The following CARD14 variants were observed in gnomAD, a reference collection of about 807,000 sequenced individuals.
CARD14 encodes caspase recruitment domain-containing protein 14.
In CARD14, 107 loss-of-function variants were observed where a neutral mutation model predicts 111.5. The ratio of observed to expected loss-of-function variants is 0.96; its 90% CI spans 0.82 to 1.13. The LOEUF is 1.13. Among genes scored for constraint, CARD14 ranks in the 50% most tolerant of loss-of-function variants. The pLI is 0.00. For missense variants in CARD14, 1,322 were observed against 1,362.3 expected (o/e 0.97, Z 0.47); for synonymous variants, 617 against 579.6 (o/e 1.06, Z -0.93).
chr17:80,204,640 T>A lies in CARD14; in HGVS notation c.2398+299T>A, dbSNP rs112508655. 1.3e-3 allele frequency: 472 copies of A among 352,316 alleles called. 4 individuals carry two copies. The highest frequency in any genetic ancestry group is 8.6e-3 in the African/African-American group (419 of 48,524). The allele number at this position is 352,316 out of a possible 1,614,324, so 21.8% of individuals were successfully genotyped here. A position where few individuals can be genotyped will look rare whatever the true frequency, so the allele number is the denominator to read the frequency against. On this transcript the variant is annotated intron_variant, in intron 20 of 23. Coordinates refer to ENST00000648509, the MANE Select transcript of CARD14 (RefSeq NM_001366385.1). ...ACTCTGTCTCAGGAAAAAAAAAAAA[T>A]TTCAGGAGAGGAGTACAGGACAGAG...
At chr17:80,175,583 G>T (rs1374504143) in intron 2 of CARD14, among the ~76,000 whole-genome samples, 1 of 152,126 alleles carries the variant, frequency 6.6e-6, no homozygotes, top group East Asian at 1.9e-4. Context: ...GGTGAACAGG[G>T]ATTCTGGAAT....
chr17:80,194,536 C>T (rs1246376711), intron 12 of CARD14, among the ~76,000 whole-genome samples: 3 of 152,186 alleles, frequency 2.0e-5, no homozygotes, highest in Admixed American at 6.6e-5. Context: ...TGCATTAGTT[C>T]GTTCTCATGC....
Position 80,198,987 on chromosome 17 carries a change from C to T in CARD14, c.1851+396C>T. The T allele has an allele frequency of 2.1e-6, 2 of 964,432 alleles. No individual in the cohort carries two copies. The highest frequency in any genetic ancestry group is 4.8e-4 in the Middle Eastern group (1 of 2,076). 59.7% of individuals were successfully genotyped at this position (964,432 alleles called of 1,614,324 possible). A position where few individuals can be genotyped will look rare whatever the true frequency, so the allele number is the denominator to read the frequency against. On this transcript the variant is annotated intron_variant, in intron 16 of 23. Transcript: ENST00000648509. The surrounding 1 kb of genome is among the most constrained non-coding windows in gnomAD (Gnocchi z 7.5). ...GTTTTGAAACAGGGTCTCACTCTGT[C>T]ACCCAGGCTAGAGTGCTGCGGTGCG...
At position 80,191,444 on chromosome 17, in the gene CARD14, G is replaced by A. The variant is rs978430125; in HGVS notation, c.1211G>A (p.Arg404His). 11 of 1,613,100 alleles carry A rather than the reference G, an allele frequency of 6.8e-6. No individual in the cohort carries two copies. The highest frequency in any genetic ancestry group is 2.2e-5 in the East Asian group (1 of 44,856). ...DQVCELRTQLRQLQAEPPGVL... is the reference protein window; with the variant it reads ...DQVCELRTQLHQLQAEPPGVL... ...GTCTGCGAGCTGCGCACACAGCTTC[G>A]CCAGCTGCAGGCAGAGCCTCCGGGT... The change falls in exon 11 of 24, where the codon CGC (arginine) becomes CAC (histidine). Residue 404 changes from arginine (R) to histidine (H), a missense_variant. Coordinates refer to ENST00000648509, the MANE Select transcript of CARD14 (RefSeq NM_001366385.1).
At chr17:80,187,681 G>T in intron 7 of CARD14, 4 of 894,342 alleles carry the variant, frequency 4.5e-6, no homozygotes, top group Non-Finnish European at 5.4e-6. Context: ...CACCCACCCC[G>T]ACGTGCAGAC....
Position 80,188,691 on chromosome 17 carries a change from T to A in CARD14, c.843+147T>A. On this transcript the variant is annotated intron_variant, in intron 8 of 23. Transcript: ENST00000648509. This position sits in a 1 kb window ranked among gnomAD's most constrained non-coding sequence, Gnocchi z 4.5. ...TGACTCATCTCACCCACTTTCTCTTTACCTCCTTCCTTCCTGCTGTTCCCC... is the reference window on the plus strand; with the variant it reads ...TGACTCATCTCACCCACTTTCTCTTAACCTCCTTCCTTCCTGCTGTTCCCC... 1 of 772,974 alleles carries A rather than the reference T, an allele frequency of 1.3e-6. No homozygotes were observed. Among genetic ancestry groups the A allele is most frequent in the Non-Finnish European group, 1.8e-6 (1 of 554,728 alleles). 47.9% of individuals were successfully genotyped at this position (772,974 alleles called of 1,614,324 possible). A position where few individuals can be genotyped will look rare whatever the true frequency, so the allele number is the denominator to read the frequency against.
intron 19 of CARD14, 167 bp downstream of exon 19, chr17:80,204,052 C>A: frequency 1.3e-6 from 1 of 797,042 alleles, no homozygotes; most frequent in Non-Finnish European, 2.0e-6. Flanking sequence ...GTCTGCAGCC[C>A]CTGCCCAGCC....
At chr17:80,184,593 G>A (rs190121817) in intron 7 of CARD14, among the ~76,000 whole-genome samples, 9 of 152,392 alleles carry the variant, frequency 5.9e-5, no homozygotes, top group African/African-American at 1.7e-4. Context: ...AGCTGCGGCA[G>A]TGACATGGGA....
chr17:80,190,082 C>T (rs554223117), intron 9 of CARD14, among the ~76,000 whole-genome samples: 139 of 152,170 alleles, frequency 9.1e-4, no homozygotes, highest in African/African-American at 3.0e-3. Flanking sequence ...CAGGCAGATG[C>T]GTGATTCAAA....
Position 80,203,800 on chromosome 17 carries a change from G to C in CARD14, c.2220-22G>C. On this transcript the variant is annotated intron_variant, in intron 18 of 23. Transcript: ENST00000648509. This position sits in a 1 kb window ranked among gnomAD's most constrained non-coding sequence, Gnocchi z 4.6. ...CACCTGGCAGGAGGCAGCTGGGTCA[G>C]GGCCTCTGCTGGTCTCTGCAGGGCT... 2 of 1,555,170 alleles carry C rather than the reference G, an allele frequency of 1.3e-6. No individual in the cohort carries two copies. The highest frequency in any genetic ancestry group is 2.4e-5 in the South Asian group (2 of 84,358).
In CARD14 at chr17:80,192,634, C is replaced by T. The variant is rs771496026; in HGVS notation, c.1356+15C>T. 1 of 1,592,826 alleles carries T rather than the reference C, an allele frequency of 6.3e-7. No individual in the cohort carries two copies. Among genetic ancestry groups the T allele is most frequent in the African/African-American group, 1.3e-5 (1 of 74,666 alleles). On this transcript the variant is annotated intron_variant, in intron 12 of 23. Coordinates refer to ENST00000648509, the MANE Select transcript of CARD14 (RefSeq NM_001366385.1). ...GCTCCACAGAGGTACGGCCGCTCCT[C>T]CCGCCTCCCTCACTGCCTTGACCCT...
chr17:80,199,561 CA>C (rs34737700), intron 16 of CARD14, among the ~76,000 whole-genome samples: 2,100 of 68,750 alleles, frequency 0.031, 13 homozygotes, highest in Middle Eastern at 0.12. Flanking sequence ...AGCCTTGTCT[CA>C]AAAAAAAAAA....
chr17:80,179,364 T>G (rs1378958137), intron 4 of CARD14, 63 bp downstream of exon 4: 1 of 152,196 alleles, frequency 6.6e-6, no homozygotes, highest in Non-Finnish European at 1.5e-5. Flanking sequence ...ACCATGCATG[T>G]ATCAAGCTGC....
In CARD14 at chr17:80,195,529, T is replaced by C. The variant is rs556359326; in HGVS notation, c.1500-29T>C. On this transcript the variant is annotated intron_variant, in intron 13 of 23. Coordinates refer to ENST00000648509, the MANE Select transcript of CARD14 (RefSeq NM_001366385.1). The surrounding 1 kb of genome is among the most constrained non-coding windows in gnomAD (Gnocchi z 4.7). Reference sequence around the variant, plus strand: ...ACTCAGAGGGAGCAGGTGATGCAGTTTGAGCCTGCTGCTGCTTATGCTTTG... The same window carrying C: ...ACTCAGAGGGAGCAGGTGATGCAGTCTGAGCCTGCTGCTGCTTATGCTTTG... The C allele has an allele frequency of 6.9e-6, 11 of 1,595,336 alleles. No homozygotes were observed. In the East Asian group the frequency reaches 2.5e-4, roughly 36 times the overall value.
chr17:80,192,529 G>A lies in CARD14; in HGVS notation c.1266G>A (p.Glu422=), dbSNP rs773556389. ...GVLKQEARTR[E]PCPREKQRLV... is the part of the protein sequence containing the mutation. ...TCAAGCAGGAAGCCAGGACCAGGGA[G>A]CCCTGTCCACGGGAGAAGCAGCGGC... The change falls in exon 12 of 24, where the codon GAG becomes GAA. Residue 422 remains glutamate, a synonymous_variant. Coordinates refer to ENST00000648509, the MANE Select transcript of CARD14 (RefSeq NM_001366385.1). 19 of 1,613,704 alleles carry A rather than the reference G, an allele frequency of 1.2e-5. No homozygotes were observed. The East Asian group carries it at 3.8e-4, about 32-fold the overall frequency.
At position 80,201,578 on chromosome 17, in the gene CARD14, C is replaced by T; in HGVS notation, c.1852-166C>T. Reference sequence around the variant, plus strand: ...CACGCATCACTAGAGGTGTGAAGGCCCCACAGAGGCTCTGGTGTGTGGCTT... The same window carrying T: ...CACGCATCACTAGAGGTGTGAAGGCTCCACAGAGGCTCTGGTGTGTGGCTT... On this transcript the variant is annotated intron_variant, in intron 16 of 23. Transcript: ENST00000648509. The surrounding 1 kb of genome is among the most constrained non-coding windows in gnomAD (Gnocchi z 5.0). The T allele has an allele frequency of 2.8e-6, 2 of 705,434 alleles. No homozygotes were observed. The highest frequency in any genetic ancestry group is 5.0e-6 in the Non-Finnish European group (2 of 399,218). 43.7% of individuals were successfully genotyped at this position (705,434 alleles called of 1,614,324 possible).
At chr17:80,205,253 T>G (rs762709700) in intron 21 of CARD14, 48 bp downstream of exon 21, 1 of 1,278,560 alleles carries the variant, frequency 7.8e-7, no homozygotes, top group Non-Finnish European at 1.1e-6. Flanking sequence ...CTTCCCTCCC[T>G]CCCTCCTCCC....
chr17:80,206,448 C>G (rs2041313721), intron 22 of CARD14, among the ~76,000 whole-genome samples: 1 of 152,086 alleles, frequency 6.6e-6, no homozygotes, highest in Non-Finnish European at 1.5e-5. Flanking sequence ...ACACCCGTCT[C>G]TACAAAACAT....
chr17:80,175,974 T>G (rs1567864033), intron 2 of CARD14, among the ~76,000 whole-genome samples: 1 of 85,572 alleles, frequency 1.2e-5, no homozygotes, highest in Non-Finnish European at 2.5e-5. Context: ...TTTTTTTTTT[T>G]TTTTTTTTTT....
Sources: gnomAD v4.1 joint callset for allele counts (sites outside exome capture counted in the v4.1 genomes callset) on GRCh38, gnomAD v4.1.1 for gene constraint, Gnocchi (gnomAD v3.1) non-coding constraint, MANE v1.5 for transcripts, NCBI Gene and HGNC (gene_info 2026-07-23, HGNC 2026-07-21) for gene names.